Variants in GPC5 observed in about 807,000 individuals in gnomAD.
The protein encoded by GPC5 is glypican 5.
GPC5 carries 47 observed loss-of-function variants against 53.9 expected under a neutral mutation model. The observed-to-expected ratio is 0.87, with a 90% CI of 0.69 to 1.11. The LOEUF (loss-of-function observed/expected upper bound fraction) is 1.11. GPC5 is among the 50% of genes most tolerant of loss of function. GPC5 has a pLI of 0.00. For synonymous variants in GPC5, 286 were observed against 263.3 expected (o/e 1.09, Z -0.84); for missense variants, 748 against 713.1 (o/e 1.05, Z -0.56).
At chr13:92,757,412 T>G (rs1022245577) in intron 7 of GPC5, among the ~76,000 whole-genome samples, 6 of 152,164 alleles carry the variant, frequency 3.9e-5, no homozygotes, top group African/African-American at 1.4e-4. Flanking sequence ...ATTCAGGACA[T>G]AGGCATGGGC....
At position 91,877,472 on chromosome 13, in the gene GPC5, G is replaced by A. The variant is rs761432245; in HGVS notation, c.1281-30465G>A. On this transcript the variant is annotated intron_variant, in intron 5 of 7. Coordinates refer to ENST00000377067, the MANE Select transcript of GPC5 (RefSeq NM_004466.6). ...CCAGGAGTCAAAGGAGATCATTCTGGAGCTTTAAAATTTGACTGCCCTGCT... is the reference window on the plus strand; with the variant it reads ...CCAGGAGTCAAAGGAGATCATTCTGAAGCTTTAAAATTTGACTGCCCTGCT... Among the ~76,000 whole-genome samples the A allele has an allele frequency of 4.1e-4, 63 of 152,170 alleles. 1 individual carries two copies. The highest frequency in any genetic ancestry group is 2.1e-4 in the Non-Finnish European group (14 of 68,030).
At chr13:92,449,465 T>A (rs1270828754) in intron 7 of GPC5, among the ~76,000 whole-genome samples, 1 of 152,194 alleles carries the variant, frequency 6.6e-6, no homozygotes. Context: ...ACTTTATGTT[T>A]AAATATGAGT....
At chr13:92,054,121 T>C (rs1422869958) in intron 6 of GPC5, among the ~76,000 whole-genome samples, 1 of 150,618 alleles carries the variant, frequency 6.6e-6, no homozygotes, top group South Asian at 2.1e-4. Flanking sequence ...ATAATAGACA[T>C]CTTAAATATA....
At chr13:91,915,362 G>T (rs568277933) in intron 6 of GPC5, among the ~76,000 whole-genome samples, 1 of 152,172 alleles carries the variant, frequency 6.6e-6, no homozygotes, top group South Asian at 2.1e-4. Flanking sequence ...AAAATCAATT[G>T]TCCGCATAAA....
chr13:92,729,235 T>C (rs1370380851), intron 7 of GPC5, among the ~76,000 whole-genome samples: 1 of 151,372 alleles, frequency 6.6e-6, no homozygotes, highest in Non-Finnish European at 1.5e-5. Context: ...TGTAAGGGCA[T>C]GTTCAACCAT....
intron 7 of GPC5, among the ~76,000 whole-genome samples, chr13:92,362,528 C>T (rs2043576546): frequency 6.6e-6 from 1 of 151,668 alleles, no homozygotes; most frequent in Non-Finnish European, 1.5e-5. Context: ...GAAGAAAATT[C>T]CAGTTACCTG....
At chr13:92,060,280 A>G (rs1158917525) in intron 6 of GPC5, among the ~76,000 whole-genome samples, 1 of 152,076 alleles carries the variant, frequency 6.6e-6, no homozygotes, top group Non-Finnish European at 1.5e-5. Context: ...TAGTAATAGT[A>G]GATGCCTTTT....
At chr13:91,933,813 A>G (rs1286624167) in intron 6 of GPC5, among the ~76,000 whole-genome samples, 4 of 151,954 alleles carry the variant, frequency 2.6e-5, no homozygotes, top group African/African-American at 7.2e-5. Context: ...ACTGTGTATC[A>G]TTTGATGTAT....
chr13:91,594,897 C>T (rs2032934032), intron 2 of GPC5, among the ~76,000 whole-genome samples: 1 of 152,038 alleles, frequency 6.6e-6, no homozygotes, highest in South Asian at 2.1e-4. Context: ...TGGTCTCCAA[C>T]TCCCTCAAGC....
intron 7 of GPC5, among the ~76,000 whole-genome samples, chr13:92,846,039 C>A (rs566424795): frequency 6.6e-6 from 1 of 152,080 alleles, no homozygotes; most frequent in African/African-American, 2.4e-5. Flanking sequence ...ATGAACTGCC[C>A]GAGACTGGGT....
chr13:92,108,249 G>A (rs990765862), intron 6 of GPC5, among the ~76,000 whole-genome samples: 3 of 152,082 alleles, frequency 2.0e-5, no homozygotes, highest in Non-Finnish European at 4.4e-5. Flanking sequence ...TGTCAACTGC[G>A]TGATGGGTAA....
At chr13:91,686,775 A>G (rs931525514) in intron 2 of GPC5, among the ~76,000 whole-genome samples, 1 of 152,026 alleles carries the variant, frequency 6.6e-6, no homozygotes, top group African/African-American at 2.4e-5. Context: ...CTATCTGTAT[A>G]ATTTAATGCA....
intron 5 of GPC5, among the ~76,000 whole-genome samples, chr13:91,891,488 T>C (rs2039386081): frequency 6.6e-6 from 1 of 152,184 alleles, no homozygotes. Flanking sequence ...CAAATTTTTA[T>C]TGAATTTATG....
chr13:92,444,893 G>T (rs79421894), intron 7 of GPC5, among the ~76,000 whole-genome samples: 3,589 of 152,120 alleles, frequency 0.024, 61 homozygotes, highest in Non-Finnish European at 0.032. Flanking sequence ...AGCTGAAAAA[G>T]ACAGAATTGT....
At chr13:92,376,201 C>T (rs2043692442) in intron 7 of GPC5, among the ~76,000 whole-genome samples, 1 of 152,142 alleles carries the variant, frequency 6.6e-6, no homozygotes, top group Non-Finnish European at 1.5e-5. Flanking sequence ...TTTTCAGAAT[C>T]TGGGGCTAAA....
chr13:91,869,707 A>G (rs2039122871), intron 5 of GPC5, among the ~76,000 whole-genome samples: 2 of 152,190 alleles, frequency 1.3e-5, no homozygotes, highest in Admixed American at 1.3e-4. Flanking sequence ...GCACTTATAA[A>G]GAAAAGAGGT....
intron 5 of GPC5, among the ~76,000 whole-genome samples, chr13:91,878,618 A>G (rs1404828029): frequency 6.6e-6 from 1 of 152,114 alleles, no homozygotes; most frequent in Non-Finnish European, 1.5e-5. Context: ...GGTTGTCCCT[A>G]TGCTGCTGGT....
At chr13:91,862,636 C>A (rs1410523673) in intron 5 of GPC5, among the ~76,000 whole-genome samples, 1 of 152,144 alleles carries the variant, frequency 6.6e-6, no homozygotes, top group East Asian at 1.9e-4. Flanking sequence ...ATAGATGATT[C>A]TATATATTAC....
intron 7 of GPC5, among the ~76,000 whole-genome samples, chr13:92,807,153 A>G (rs989674241): frequency 3.9e-5 from 6 of 152,118 alleles, no homozygotes; most frequent in Admixed American, 1.3e-4. Flanking sequence ...AGCACCATAT[A>G]AAGATTTTGC....
Sources: gnomAD v4.1 joint callset for allele counts (sites outside exome capture counted in the v4.1 genomes callset) on GRCh38, gnomAD v4.1.1 for gene constraint, MANE v1.5 for transcripts, NCBI Gene and HGNC (gene_info 2026-07-23, HGNC 2026-07-21) for gene names.